VWA8: variants seen among roughly 807,000 people sequenced by gnomAD.
VWA8 encodes the protein von Willebrand factor A domain-containing protein 8.
A neutral mutation model predicts 241.5 loss-of-function variants in VWA8; 221 were observed. The ratio of observed to expected loss-of-function variants is 0.91; its 90% CI spans 0.82 to 1.02. The LOEUF (loss-of-function observed/expected upper bound fraction) is 1.02, where lower values mean the gene tolerates loss of function less well. VWA8 is among the 50% of genes least tolerant of loss of function. The pLI is 0.00. For synonymous variants in VWA8, 852 were observed against 827.1 expected (o/e 1.03, Z -0.52); for missense variants, 2,322 against 2,328.7 (o/e 1.00, Z 0.06).
chr13:41,688,140 A>G (rs2045149518), intron 34 of VWA8, among the ~76,000 whole-genome samples: 1 of 152,128 alleles, frequency 6.6e-6, no homozygotes, highest in Admixed American at 6.6e-5. Flanking sequence ...ATTTTGAATT[A>G]CATGATAGCA....
chr13:41,623,251 C>A (rs746282116), intron 37 of VWA8, among the ~76,000 whole-genome samples: 3 of 152,172 alleles, frequency 2.0e-5, no homozygotes, highest in Non-Finnish European at 4.4e-5. Flanking sequence ...AGAGCTGTAG[C>A]ATCCACATGG....
At chr13:41,817,504 G>T (rs1252273199) in intron 15 of VWA8, among the ~76,000 whole-genome samples, 1 of 152,108 alleles carries the variant, frequency 6.6e-6, no homozygotes, top group Non-Finnish European at 1.5e-5. Context: ...AATTTTAGAA[G>T]AATACTGCTT....
intron 12 of VWA8, among the ~76,000 whole-genome samples, chr13:41,863,372 A>ATG (rs1316044640): frequency 1.5e-4 from 19 of 124,418 alleles, no homozygotes; most frequent in Admixed American, 4.0e-4. Flanking sequence ...ATATATATAT[A>ATG]TGTGTGTGTG....
At chr13:41,612,668 A>G (rs898340357) in intron 38 of VWA8, among the ~76,000 whole-genome samples, 7 of 152,234 alleles carry the variant, frequency 4.6e-5, no homozygotes, top group Admixed American at 2.0e-4. Flanking sequence ...TTAGGGGTAG[A>G]TTAGAATACT....
chr13:41,648,769 G>T (rs894350616), intron 37 of VWA8, among the ~76,000 whole-genome samples: 1 of 152,108 alleles, frequency 6.6e-6, no homozygotes, highest in East Asian at 1.9e-4. Context: ...ACTGCTAAAG[G>T]CAATTAATGT....
At chr13:41,788,939 G>T (rs979563584) in intron 17 of VWA8, among the ~76,000 whole-genome samples, 10 of 152,150 alleles carry the variant, frequency 6.6e-5, no homozygotes, top group Admixed American at 5.2e-4. Flanking sequence ...ACACTCCAAA[G>T]CCTGCAGAGA....
chr13:41,732,038 C>A, intron 22 of VWA8, 42 bp downstream of exon 22: 1 of 1,566,250 alleles, frequency 6.4e-7, no homozygotes, highest in Non-Finnish European at 8.8e-7. Flanking sequence ...AACTATGATA[C>A]AAAAATACAC....
intron 4 of VWA8, among the ~76,000 whole-genome samples, chr13:41,893,857 C>T (rs571388750): frequency 1.9e-3 from 284 of 152,278 alleles, no homozygotes; most frequent in Non-Finnish European, 3.2e-3. Flanking sequence ...ACACTCCAGC[C>T]TGGGCGACAG....
intron 15 of VWA8, among the ~76,000 whole-genome samples, chr13:41,817,097 T>C (rs931929366): frequency 6.6e-6 from 1 of 152,158 alleles, no homozygotes; most frequent in South Asian, 2.1e-4. Context: ...ATAAAGAACT[T>C]TTCATGTATC....
intron 21 of VWA8, among the ~76,000 whole-genome samples, chr13:41,749,754 G>A (rs1161351453): frequency 6.6e-6 from 1 of 151,398 alleles, no homozygotes; most frequent in African/African-American, 2.4e-5. Context: ...CTATCGCAAG[G>A]ACAAAAAACC....
At chr13:41,770,747 C>T (rs1298670817) in intron 20 of VWA8, among the ~76,000 whole-genome samples, 33 of 151,566 alleles carry the variant, frequency 2.2e-4, no homozygotes. Flanking sequence ...TGAAAATCAG[C>T]CAGAATTGGC....
chr13:41,672,660 C>T (rs1413369096), intron 36 of VWA8, among the ~76,000 whole-genome samples: 3 of 152,118 alleles, frequency 2.0e-5, no homozygotes, highest in African/African-American at 7.2e-5. Flanking sequence ...AGGGCGGCCA[C>T]TCTTGGACAC....
chr13:41,810,355 C>T (rs1320646785), intron 17 of VWA8, among the ~76,000 whole-genome samples: 1 of 152,030 alleles, frequency 6.6e-6, no homozygotes, highest in Non-Finnish European at 1.5e-5. Flanking sequence ...TTCACAATAG[C>T]TAAGATTCGG....
At chr13:41,879,382 T>TACACAC (rs3073827) in intron 9 of VWA8, among the ~76,000 whole-genome samples, 89 of 140,886 alleles carry the variant, frequency 6.3e-4, no homozygotes, top group Middle Eastern at 3.6e-3. Flanking sequence ...CATACACACA[T>TACACAC]ACACACACAC....
chr13:41,730,876 A>T (rs1243797984), intron 22 of VWA8, among the ~76,000 whole-genome samples: 2 of 151,930 alleles, frequency 1.3e-5, no homozygotes, highest in Admixed American at 1.3e-4. Flanking sequence ...TAAAAAACTT[A>T]TAAGAAATTT....
chr13:41,613,075 T>C (rs1593650003), intron 38 of VWA8, among the ~76,000 whole-genome samples: 2 of 152,276 alleles, frequency 1.3e-5, no homozygotes, highest in East Asian at 3.9e-4. Flanking sequence ...TTGAAGGCTT[T>C]TAGACTTTGG....
intron 2 of VWA8, among the ~76,000 whole-genome samples, chr13:41,938,708 G>A (rs915302744): frequency 6.6e-6 from 1 of 151,926 alleles, no homozygotes; most frequent in Non-Finnish European, 1.5e-5. Flanking sequence ...ATAATGAGAG[G>A]CAATTAATCC....
chr13:41,593,553 C>G (rs972906160), intron 40 of VWA8, among the ~76,000 whole-genome samples: 5 of 152,216 alleles, frequency 3.3e-5, no homozygotes, highest in Non-Finnish European at 5.9e-5. Context: ...CAGGCCCCCT[C>G]CCTGCACCAG....
chr13:41,770,989 T>A (rs2045818759), intron 20 of VWA8, among the ~76,000 whole-genome samples: 1 of 151,910 alleles, frequency 6.6e-6, no homozygotes, highest in South Asian at 2.1e-4. Flanking sequence ...GAATTATTAA[T>A]TATGCCTCAT....
Sources: allele counts gnomAD v4.1 joint callset (sites outside exome capture counted in the v4.1 genomes callset), GRCh38; gene constraint gnomAD v4.1.1; transcripts MANE v1.5; gene names NCBI Gene and HGNC (gene_info 2026-07-23, HGNC 2026-07-21).